CDC25C: variants seen among roughly 807,000 people sequenced by gnomAD.
The protein encoded by CDC25C is M-phase inducer phosphatase 3.
CDC25C carries 48 observed loss-of-function variants against 52.5 expected under a neutral mutation model. The observed-to-expected ratio is 0.91, with a 90% CI of 0.72 to 1.16. The LOEUF is 1.16. Ranked by LOEUF, CDC25C falls within the 50% of genes most tolerant of loss-of-function variation. The pLI, the probability that CDC25C is intolerant of heterozygous loss-of-function variation, is 0.00. For synonymous variants in CDC25C, 187 were observed against 206.5 expected (o/e 0.91, Z 0.81); for missense variants, 510 against 566.1 (o/e 0.90, Z 1.01).
At position 138,286,510 on chromosome 5, in the gene CDC25C, T is replaced by C. The variant is rs773993092; in HGVS notation, c.1147A>G (p.Arg383Gly). The C allele has an allele frequency of 9.3e-6, 15 of 1,612,146 alleles. No individual in the cohort carries two copies. Among genetic ancestry groups the C allele is most frequent in the Admixed American group, 6.7e-5 (4 of 59,610 alleles). ...IVFHCEFSSERGPRMCRCLRE... is the reference protein window; with the variant it reads ...IVFHCEFSSEGGPRMCRCLRE... The stretch of plus-strand genomic sequence containing the variant: ...TTAGACACTCACATTCGGGGGCCCC[T>C]CTCTGAGGAGAATTCACAGTGGAAC... The change falls in exon 12 of 14, where the codon AGG (arginine) becomes GGG (glycine). Residue 383 changes from arginine to glycine, a missense_variant. Physicochemically the swap from Arg to Gly is moderately radical, Grantham distance 125 (BLOSUM62 -2). Coordinates refer to ENST00000323760, the MANE Select transcript of CDC25C (RefSeq NM_001790.5).
intron 11 of CDC25C, 111 bp from the exon 12 acceptor site, chr5:138,286,741 C>CT: frequency 1.0e-6 from 1 of 959,258 alleles, no homozygotes; most frequent in South Asian, 1.7e-5. Flanking sequence ...AAAAGCTGGA[C>CT]TATAAGCACC....
At chr5:138,326,321 A>G (rs1263596759) in intron 4 of CDC25C, among the ~76,000 whole-genome samples, 2 of 152,052 alleles carry the variant, frequency 1.3e-5, no homozygotes, top group African/African-American at 4.8e-5. Context: ...TTTACAATTT[A>G]CTAATTTTCC....
chr5:138,329,618 G>C lies in CDC25C; in HGVS notation c.224C>G (p.Ser75Trp), dbSNP rs202006787. The C allele has an allele frequency of 1.0e-4, 162 of 1,612,600 alleles. No individual in the cohort carries two copies. The highest frequency in any genetic ancestry group is 1.2e-4 in the Non-Finnish European group (147 of 1,179,104). Residue 75 changes from serine to tryptophan, a missense_variant, in exon 3 of 14, where the codon TCG (serine) becomes TGG (tryptophan). Physicochemically the swap from Ser to Trp is radical, Grantham distance 177. Transcript: ENST00000323760. ...GGTPKRCLDLSNLSSGEITAT... is the reference protein window; with the variant it reads ...GGTPKRCLDLWNLSSGEITAT... ...AGTTATCTCCCCACTGCTAAGATTC[G>C]AAAGATCGAGGCAACGTTTTGGGGT...
intron 8 of CDC25C, among the ~76,000 whole-genome samples, chr5:138,291,419 C>CTT (rs572826668): frequency 7.9e-5 from 11 of 138,798 alleles, no homozygotes; most frequent in East Asian, 2.1e-4. Flanking sequence ...CAACATTTCT[C>CTT]TTTTTTTTTT....
upstream of CDC25C, among the ~76,000 whole-genome samples, chr5:138,334,005 C>T (rs1760562240): frequency 6.6e-6 from 1 of 151,994 alleles, no homozygotes; most frequent in Non-Finnish European, 1.5e-5. Flanking sequence ...GCAATCTTGG[C>T]CCACTGCAAC....
chr5:138,285,955 T>C, intron 13 of CDC25C, 67 bp downstream of exon 13: 2 of 1,537,332 alleles, frequency 1.3e-6, no homozygotes, highest in Non-Finnish European at 1.8e-6. Flanking sequence ...GTTTCTTCTC[T>C]GAAGGCTTTG....
chr5:138,328,922 T>C (rs1760106927), intron 3 of CDC25C: 1 of 172,612 alleles, frequency 5.8e-6, no homozygotes, highest in African/African-American at 2.4e-5. Context: ...TTCTTTTTTT[T>C]TGAGATGCAG....
chr5:138,316,194 G>A (rs928799351), intron 7 of CDC25C, among the ~76,000 whole-genome samples: 1 of 152,194 alleles, frequency 6.6e-6, no homozygotes, highest in Non-Finnish European at 1.5e-5. Flanking sequence ...GGGGGCCCAG[G>A]AAGGCCTCCC....
intron 7 of CDC25C, among the ~76,000 whole-genome samples, chr5:138,312,636 T>C (rs535309796): frequency 6.6e-6 from 1 of 152,272 alleles, no homozygotes; most frequent in Admixed American, 6.5e-5. Flanking sequence ...ATCAGAGATA[T>C]CTAGAATAAT....
chr5:138,292,978 G>A (rs1263638445), intron 7 of CDC25C, among the ~76,000 whole-genome samples: 1 of 152,164 alleles, frequency 6.6e-6, no homozygotes, highest in Non-Finnish European at 1.5e-5. Context: ...GATTTAGGAG[G>A]GGGGCTATAC....
At chr5:138,288,095 G>A (rs1465240419) in intron 10 of CDC25C, among the ~76,000 whole-genome samples, 2 of 151,478 alleles carry the variant, frequency 1.3e-5, no homozygotes, top group African/African-American at 2.4e-5. Context: ...TGTTTTTTGA[G>A]ATGGAATTTC....
Position 138,337,944 on chromosome 5 carries a change from GCCTTTGTTTA to G in CDC25C, c.13+2_13+11del. 1 of 1,288,460 alleles carries G rather than the reference GCCTTTGTTTA, an allele frequency of 7.8e-7. No individual in the cohort carries two copies. The highest frequency in any genetic ancestry group is 1.0e-6 in the Non-Finnish European group (1 of 988,214). The allele number at this position is 1,288,460 out of a possible 1,614,324, so 79.8% of individuals were successfully genotyped here. A position where few individuals can be genotyped will look rare whatever the true frequency, so the allele number is the denominator to read the frequency against. On this transcript the variant is annotated splice_donor_variant and splice_donor_5th_base_variant and intron_variant, in intron 1 of 5. Transcript: ENST00000510119. LOFTEE classifies it high-confidence loss of function. ...TGGAGGGAGGGAGGGCAGGGGCGAT[GCCTTTGTTTA>G]CCTTCTTCCGACATGGCCTCCCCCG... is the stretch of plus-strand genomic sequence containing the variant.
chr5:138,336,093 G>A (rs1162409073), upstream of CDC25C, among the ~76,000 whole-genome samples: 13 of 150,932 alleles, frequency 8.6e-5, no homozygotes, highest in African/African-American at 2.4e-4. Flanking sequence ...CAAGTGTGGT[G>A]GTTCACACCT....
intron 4 of CDC25C, 103 bp from the exon 5 acceptor site, chr5:138,326,157 G>T: frequency 8.5e-7 from 1 of 1,179,922 alleles, no homozygotes; most frequent in Non-Finnish European, 1.3e-6. Context: ...CATTCTAGGA[G>T]CCCTATTCCT....
chr5:138,302,296 C>T (rs940835208), intron 7 of CDC25C, among the ~76,000 whole-genome samples: 4 of 151,718 alleles, frequency 2.6e-5, no homozygotes, highest in East Asian at 1.9e-4. Flanking sequence ...CGTGCTCGGC[C>T]GATGTAAAAA....
intron 7 of CDC25C, among the ~76,000 whole-genome samples, chr5:138,311,306 A>T (rs1265695040): frequency 1.3e-5 from 2 of 152,224 alleles, no homozygotes; most frequent in African/African-American, 4.8e-5. Context: ...TAAAGAAAAC[A>T]TAGGGAGCTG....
chr5:138,302,119 C>T (rs777638520), intron 7 of CDC25C, among the ~76,000 whole-genome samples: 4 of 151,874 alleles, frequency 2.6e-5, no homozygotes, highest in Admixed American at 1.3e-4. Flanking sequence ...CTCAGCCTCT[C>T]GAGTAGCTGG....
chr5:138,321,972 T>C (rs1759441762), intron 6 of CDC25C, among the ~76,000 whole-genome samples: 1 of 151,700 alleles, frequency 6.6e-6, no homozygotes, highest in Non-Finnish European at 1.5e-5. Context: ...TGGATAATAA[T>C]CACATGAAAT....
rs373340638 is a variant in CDC25C at position 138,329,665 on chromosome 5, T to C, written c.195-18A>G. On this transcript the variant is annotated intron_variant, in intron 2 of 13. Transcript: ENST00000323760. ...GGGTTCCTCTGTTGAGACATAATAG[T>C]ACATCGAAATTCCCATTAGATTATT... is the stretch of plus-strand genomic sequence containing the variant. 3.7e-6 allele frequency: 5 copies of C among 1,363,722 alleles called. No individual in the cohort carries two copies. Among genetic ancestry groups the C allele is most frequent in the Non-Finnish European group, 5.2e-6 (5 of 957,322 alleles). The allele number at this position is 1,363,722 out of a possible 1,614,324, so 84.5% of individuals were successfully genotyped here.
Sources: allele counts gnomAD v4.1 joint callset (sites outside exome capture counted in the v4.1 genomes callset), GRCh38; gene constraint gnomAD v4.1.1; transcripts MANE v1.5; gene names NCBI Gene and HGNC (gene_info 2026-07-23, HGNC 2026-07-21).